The following FSTL5 variants were observed in gnomAD, a reference collection of about 807,000 sequenced individuals.
The protein encoded by FSTL5 is follistatin like 5.
Under a neutral mutation model 89.1 loss-of-function variants are expected in FSTL5, and 62 were observed. The ratio of observed to expected loss-of-function variants is 0.70; its 90% CI spans 0.57 to 0.86. FSTL5 has a LOEUF of 0.86. Among genes scored for constraint, FSTL5 ranks in the 40% least tolerant of loss-of-function variants. FSTL5 has a pLI of 0.00. For synonymous variants in FSTL5, 383 were observed against 346.2 expected, an observed-to-expected ratio of 1.11 and a Z score of -1.18; for missense variants, 1,057 against 1,001.6, an observed-to-expected ratio of 1.06 and a Z score of -0.75.
chr4:161,418,728 T>G (rs1452897332), intron 15 of FSTL5, among the ~76,000 whole-genome samples: 1 of 152,180 alleles, frequency 6.6e-6, no homozygotes, highest in African/African-American at 2.4e-5. Flanking sequence ...TTATTTAGTT[T>G]AAAGTCACAA....
chr4:161,898,635 T>A (rs1733248477), intron 4 of FSTL5, among the ~76,000 whole-genome samples: 1 of 148,866 alleles, frequency 6.7e-6, no homozygotes, highest in African/African-American at 2.5e-5. Flanking sequence ...ATATTCTTTT[T>A]TTTTTTTTTT....
At chr4:161,484,753 G>A (rs1386560496) in intron 12 of FSTL5, among the ~76,000 whole-genome samples, 1 of 152,078 alleles carries the variant, frequency 6.6e-6, no homozygotes, top group Non-Finnish European at 1.5e-5. Context: ...GAAGAATATT[G>A]TGCAAAGCTA....
At chr4:161,990,708 G>T (rs1055695342) in intron 3 of FSTL5, among the ~76,000 whole-genome samples, 2 of 152,026 alleles carry the variant, frequency 1.3e-5, no homozygotes, top group Non-Finnish European at 2.9e-5. Context: ...TTATATTAAG[G>T]TATAATCTTG....
intron 4 of FSTL5, among the ~76,000 whole-genome samples, chr4:161,792,304 G>A (rs1016064738): frequency 5.3e-5 from 8 of 152,112 alleles, no homozygotes; most frequent in African/African-American, 1.9e-4. Context: ...GGGATGGGGG[G>A]TTGAGGGCAA....
At chr4:161,935,584 T>C (rs974825595) in intron 3 of FSTL5, among the ~76,000 whole-genome samples, 1 of 152,110 alleles carries the variant, frequency 6.6e-6, no homozygotes, top group African/African-American at 2.4e-5. Context: ...AAATTGGACA[T>C]CTTGGCAGGA....
In FSTL5 at chr4:161,461,288, C is replaced by CAAA. The variant is rs781313697; in HGVS notation, c.1609-1972_1609-1970dup. Among the ~76,000 whole-genome samples, 60 of 72,640 alleles carry CAAA rather than the reference C, an allele frequency of 8.3e-4. 1 individual carries two copies. The highest frequency in any genetic ancestry group is 3.3e-3 in the African/African-American group (49 of 14,898). 47.7% of individuals were successfully genotyped at this position (72,640 alleles called of 152,430 possible). A position where few individuals can be genotyped will look rare whatever the true frequency, so the allele number is the denominator to read the frequency against. On this transcript the variant is annotated intron_variant, in intron 13 of 15. Coordinates refer to ENST00000306100, the MANE Select transcript of FSTL5 (RefSeq NM_020116.5). ...CGAAACCCCGTCTCTACTAAAAATA[C>CAAA]AAAAAAAACAAACAAACAAAAAAAT...
chr4:161,402,922 C>T (rs372176605), intron 15 of FSTL5, among the ~76,000 whole-genome samples: 4 of 151,680 alleles, frequency 2.6e-5, no homozygotes, highest in Admixed American at 1.3e-4. Flanking sequence ...CCCAGGTTCA[C>T]GCTATTCTCC....
At chr4:162,084,770 C>T (rs7685749) in intron 2 of FSTL5, among the ~76,000 whole-genome samples, 95,846 of 151,538 alleles carry the variant, frequency 0.63, 30,528 homozygotes, top group Middle Eastern at 0.74. Flanking sequence ...CCGGCACCTA[C>T]CAGGGGGCAT....
chr4:161,448,989 T>G (rs1008758925), intron 15 of FSTL5, among the ~76,000 whole-genome samples: 3 of 152,160 alleles, frequency 2.0e-5, no homozygotes, highest in Non-Finnish European at 2.9e-5. Context: ...CAAAACCTTT[T>G]GAACACTAGT....
intron 6 of FSTL5, among the ~76,000 whole-genome samples, chr4:161,678,056 A>T (rs1737370705): frequency 6.6e-6 from 1 of 151,782 alleles, no homozygotes; most frequent in Non-Finnish European, 1.5e-5. Flanking sequence ...ATAAACAAAA[A>T]CTTCACTTTT....
intron 3 of FSTL5, among the ~76,000 whole-genome samples, chr4:162,023,304 A>G: frequency 6.6e-6 from 1 of 152,308 alleles, no homozygotes; most frequent in Admixed American, 6.5e-5. Flanking sequence ...GATGTTCAAC[A>G]CTTAAGTCTG....
intron 4 of FSTL5, among the ~76,000 whole-genome samples, chr4:161,873,258 G>A (rs1000483785): frequency 6.6e-6 from 1 of 152,008 alleles, no homozygotes; most frequent in Non-Finnish European, 1.5e-5. Context: ...GGATAGAATA[G>A]TTGCTTGGTG....
chr4:162,139,711 T>C (rs900355843), intron 1 of FSTL5, among the ~76,000 whole-genome samples: 12 of 152,114 alleles, frequency 7.9e-5, no homozygotes, highest in Non-Finnish European at 1.5e-4. Flanking sequence ...ACTATGAAAC[T>C]TTTAAAACAT....
intron 1 of FSTL5, among the ~76,000 whole-genome samples, chr4:162,123,844 A>C (rs529797610): frequency 6.6e-6 from 1 of 151,390 alleles, no homozygotes; most frequent in Admixed American, 6.6e-5. Flanking sequence ...TTTTTTTTTA[A>C]CTAAATTGTA....
At chr4:161,812,807 T>C (rs889544090) in intron 4 of FSTL5, among the ~76,000 whole-genome samples, 4 of 140,778 alleles carry the variant, frequency 2.8e-5, no homozygotes, top group African/African-American at 1.1e-4. Flanking sequence ...TAGGTATTTA[T>C]TGACTGACAG....
intron 15 of FSTL5, among the ~76,000 whole-genome samples, chr4:161,394,007 A>G (rs1269562320): frequency 2.0e-5 from 3 of 152,204 alleles, no homozygotes; most frequent in Non-Finnish European, 2.9e-5. Context: ...CAGCAGTCAC[A>G]GAGTTCCTTA....
rs571430119 is a variant in FSTL5, at chr4:161,407,408, C to T, written c.1842-20959G>A. On this transcript the variant is annotated intron_variant, in intron 15 of 15. Transcript: ENST00000306100. The stretch of plus-strand genomic sequence containing the variant: ...AATGAGGATGGGGAGGAGATGCAGT[C>T]GCCGATCCTGAAGAGGGAGGAGGCT... 1.6e-4 allele frequency among the ~76,000 whole-genome samples: 24 copies of T among 152,244 alleles called. No individual in the cohort carries two copies. In the East Asian group the frequency reaches 2.1e-3, roughly 13 times the overall value.
chr4:161,854,165 T>A (rs1490508060), intron 4 of FSTL5, among the ~76,000 whole-genome samples: 1 of 152,178 alleles, frequency 6.6e-6, no homozygotes, highest in African/African-American at 2.4e-5. Context: ...AGCTTTCTAC[T>A]GGAATCTTAG....
At chr4:161,789,360 C>G (rs528445520) in intron 4 of FSTL5, among the ~76,000 whole-genome samples, 1 of 152,124 alleles carries the variant, frequency 6.6e-6, no homozygotes, top group South Asian at 2.1e-4. Context: ...GCATGGCTTT[C>G]TGGGTTTTTC....
Sources: gnomAD v4.1 joint callset for allele counts (sites outside exome capture counted in the v4.1 genomes callset) on GRCh38, gnomAD v4.1.1 for gene constraint, MANE v1.5 for transcripts, NCBI Gene and HGNC (gene_info 2026-07-23, HGNC 2026-07-21) for gene names.